PRCC: variants seen among roughly 807,000 people sequenced by gnomAD.
PRCC encodes the protein proline rich mitotic checkpoint control factor.
PRCC carries 10 observed loss-of-function variants against 44.0 expected under a neutral mutation model. The observed-to-expected ratio is 0.23, with a 90% CI of 0.14 to 0.39. The LOEUF (loss-of-function observed/expected upper bound fraction) is 0.39. Ranked by LOEUF, PRCC falls within the 10% of genes least tolerant of loss-of-function variation. PRCC has a pLI of 1.00. For synonymous variants in PRCC, 278 were observed against 259.5 expected, an observed-to-expected ratio of 1.07 and a Z score of -0.69; for missense variants, 573 against 624.7, an observed-to-expected ratio of 0.92 and a Z score of 0.88.
At position 156,767,655 on chromosome 1, in the gene PRCC, G is replaced by A. The variant is rs1651444077; in HGVS notation, c.-117G>A. The A allele has an allele frequency of 1.9e-6, 2 of 1,033,050 alleles. No homozygotes were observed. The highest frequency in any genetic ancestry group is 2.9e-5 in the Admixed American group (1 of 34,798). The allele number at this position is 1,033,050 out of a possible 1,614,324, so 64.0% of individuals were successfully genotyped here. A position where few individuals can be genotyped will look rare whatever the true frequency, so the allele number is the denominator to read the frequency against. On this transcript the variant is annotated 5_prime_UTR_variant, in exon 1 of 7. Coordinates refer to ENST00000271526, the MANE Select transcript of PRCC (RefSeq NM_005973.5). ...GGGGCTAGCCCTAGAGTACGGAGCA[G>A]GCGGACTTTTCGGTTCCCCGCCCCG...
intron 2 of PRCC, among the ~76,000 whole-genome samples, chr1:156,782,842 C>G (rs1300488408): frequency 1.3e-5 from 2 of 152,176 alleles, no homozygotes; most frequent in African/African-American, 4.8e-5. Flanking sequence ...AACTGAGGAA[C>G]TTGCCCAAGA....
Position 156,767,964 on chromosome 1 carries a change from C to A in PRCC, c.193C>A (p.Pro65Thr). ...GATGCTGGCGCCAGCCTTTCCCCCG[C>A]CGCTGTTGCTTCCCCCACCCACCGG... Reference protein sequence around the residue: ...PQMLAPAFPPPLLLPPPTGDP... With the variant: ...PQMLAPAFPPTLLLPPPTGDP... The change falls in exon 1 of 7, where the codon CCG becomes ACG. Residue 65 changes from proline (P) to threonine (T), a missense_variant. Pro to Thr is a conservative substitution (Grantham distance 38). Transcript: ENST00000271526. 1 of 1,585,706 alleles carries A rather than the reference C, an allele frequency of 6.3e-7. No individual in the cohort carries two copies. Among genetic ancestry groups the A allele is most frequent in the Non-Finnish European group, 8.6e-7 (1 of 1,165,898 alleles).
intron 5 of PRCC, among the ~76,000 whole-genome samples, chr1:156,795,372 C>G (rs952958308): frequency 2.1e-5 from 3 of 141,852 alleles, no homozygotes; most frequent in African/African-American, 5.2e-5. Context: ...ATTGCAACCT[C>G]TGCCTCCCAG....
intron 1 of PRCC, among the ~76,000 whole-genome samples, chr1:156,777,603 T>C (rs1177914951): frequency 1.3e-5 from 2 of 152,010 alleles, no homozygotes; most frequent in Non-Finnish European, 2.9e-5. Context: ...TATTCAACTA[T>C]AAGAAATACT....
At chr1:156,787,200 C>G (rs368319215) in intron 3 of PRCC, 26 bp downstream of exon 3, 1 of 1,565,518 alleles carries the variant, frequency 6.4e-7, no homozygotes, top group South Asian at 1.2e-5. Context: ...AGAGGGCAGG[C>G]GAGGGAATGT....
In PRCC at chr1:156,782,298, A is replaced by T; in HGVS notation, c.485A>T (p.Asp162Val). Residue 162 changes from aspartate (D) to valine (V), a missense_variant, in exon 2 of 7, where the codon GAT becomes GTT. Asp to Val is a radical substitution (Grantham distance 152). Transcript: ENST00000271526. ...LHKGDSDSEE[D>V]EPTKKKTILQ... ...TTCTCTTAGTCAGATTCTGAGGAAGATGAACCCACAAAGAAGAAAACTATC... is the reference window on the plus strand; with the variant it reads ...TTCTCTTAGTCAGATTCTGAGGAAGTTGAACCCACAAAGAAGAAAACTATC... 6.2e-7 allele frequency: 1 copy of T among 1,608,396 alleles called. No individual in the cohort carries two copies. Among genetic ancestry groups the T allele is most frequent in the East Asian group, 2.2e-5 (1 of 44,862 alleles).
intron 2 of PRCC, among the ~76,000 whole-genome samples, chr1:156,783,743 C>CA (rs933389895): frequency 8.2e-5 from 12 of 145,570 alleles, no homozygotes; most frequent in Admixed American, 4.1e-4. Context: ...AAGACTCAGT[C>CA]AAAAAAAACA....
intron 1 of PRCC, among the ~76,000 whole-genome samples, chr1:156,777,204 G>C (rs1481947358): frequency 6.6e-6 from 1 of 152,070 alleles, no homozygotes; most frequent in African/African-American, 2.4e-5. Context: ...CAGCTGTGTC[G>C]TGTGGGATCT....
rs1652802779 is a variant in PRCC at position 156,800,576 on chromosome 1, G to GT, written c.*116_*117insT. 1.0e-6 allele frequency: 1 copy of GT among 1,002,560 alleles called. No homozygotes were observed. The highest frequency in any genetic ancestry group is 1.5e-6 in the Non-Finnish European group (1 of 651,792). 62.1% of individuals were successfully genotyped at this position (1,002,560 alleles called of 1,614,324 possible). On this transcript the variant is annotated 3_prime_UTR_variant, in exon 7 of 7. Coordinates refer to ENST00000271526, the MANE Select transcript of PRCC (RefSeq NM_005973.5). The stretch of plus-strand genomic sequence containing the variant: ...CAGGATCTCTTTCCCCAAGGACCCA[G>GT]CCCTCGCCTCTGCGAGAATGAACAT...
At chr1:156,780,575 C>T (rs1044706165) in intron 1 of PRCC, among the ~76,000 whole-genome samples, 1 of 151,836 alleles carries the variant, frequency 6.6e-6, no homozygotes, top group Non-Finnish European at 1.5e-5. Context: ...CTCAGCCTTC[C>T]GAGTAGCTGG....
chr1:156,794,549 T>G (rs1652594911), intron 4 of PRCC, 116 bp from the exon 5 acceptor site: 2 of 1,265,412 alleles, frequency 1.6e-6, no homozygotes, highest in Non-Finnish European at 2.2e-6. Flanking sequence ...CGTAGAGAAC[T>G]GAGGGTGCCT....
intron 1 of PRCC, among the ~76,000 whole-genome samples, chr1:156,781,781 A>T (rs1209469539): frequency 1.3e-5 from 2 of 152,232 alleles, no homozygotes; most frequent in African/African-American, 4.8e-5. Flanking sequence ...TTAATGCCTC[A>T]TAGAAGAGTA....
intron 1 of PRCC, among the ~76,000 whole-genome samples, chr1:156,770,169 ACT>A (rs1651577860): frequency 6.6e-6 from 1 of 152,116 alleles, no homozygotes; most frequent in African/African-American, 2.4e-5. Context: ...GTGGCAGAAA[ACT>A]CTGAAGACTA....
intron 3 of PRCC, among the ~76,000 whole-genome samples, chr1:156,789,715 C>T (rs1010462767): frequency 4.6e-5 from 7 of 152,212 alleles, no homozygotes; most frequent in Non-Finnish European, 1.0e-4. Context: ...CTGGCTCTCT[C>T]AGTCTCAGAT....
In PRCC at chr1:156,796,823, T is replaced by A. The variant is rs142100034; in HGVS notation, c.1324-453T>A. 1,220 of 160,930 alleles carry A rather than the reference T, an allele frequency of 7.6e-3. 17 individuals carry two copies. Among genetic ancestry groups the A allele is most frequent in the African/African-American group, 0.028 (1,146 of 41,316 alleles). 10.0% of individuals were successfully genotyped at this position (160,930 alleles called of 1,614,324 possible). On this transcript the variant is annotated intron_variant, in intron 5 of 6. Coordinates refer to ENST00000271526, the MANE Select transcript of PRCC (RefSeq NM_005973.5). Reference sequence around the variant, plus strand: ...GAGAGGGGGACAGAGATGAAGAGAGTTTGAAGGGAGATGGGCACAGGGATT... The same window carrying A: ...GAGAGGGGGACAGAGATGAAGAGAGATTGAAGGGAGATGGGCACAGGGATT...
At chr1:156,784,821 CTT>C (rs1421743572) in intron 2 of PRCC, among the ~76,000 whole-genome samples, 1 of 152,164 alleles carries the variant, frequency 6.6e-6, no homozygotes, top group East Asian at 1.9e-4. Flanking sequence ...CCAAACGGGC[CTT>C]TTAGCATAGA....
chr1:156,793,550 G>T (rs1351668649), intron 4 of PRCC, among the ~76,000 whole-genome samples: 1 of 150,840 alleles, frequency 6.6e-6, no homozygotes, highest in African/African-American at 2.4e-5. Flanking sequence ...GACTCTGTGT[G>T]TGTGAGAGAC....
At chr1:156,785,117 A>G (rs1476349847) in intron 2 of PRCC, among the ~76,000 whole-genome samples, 1 of 152,054 alleles carries the variant, frequency 6.6e-6, no homozygotes, top group African/African-American at 2.4e-5. Flanking sequence ...AATGTCTTAG[A>G]TTAGGGAAAT....
At chr1:156,779,557 C>T (rs1263800510) in intron 1 of PRCC, among the ~76,000 whole-genome samples, 16 of 151,712 alleles carry the variant, frequency 1.1e-4, no homozygotes, top group Non-Finnish European at 2.2e-4. Context: ...TTCGTAGAGA[C>T]GAGGTTTCAC....
Sources: gnomAD v4.1 joint callset for allele counts (sites outside exome capture counted in the v4.1 genomes callset) on GRCh38, gnomAD v4.1.1 for gene constraint, MANE v1.5 for transcripts, NCBI Gene and HGNC (gene_info 2026-07-23, HGNC 2026-07-21) for gene names.